GRID2: variants seen among roughly 807,000 people sequenced by gnomAD.
The protein encoded by GRID2 is glutamate receptor ionotropic, delta-2.
Under a neutral mutation model 114.8 loss-of-function variants are expected in GRID2, and 33 were observed. That is an observed-to-expected ratio of 0.29 (90% confidence interval 0.22 to 0.38). The LOEUF (loss-of-function observed/expected upper bound fraction) is 0.38. Ranked by LOEUF, GRID2 falls within the 10% of genes least tolerant of loss-of-function variation. GRID2 has a pLI of 1.00. For missense variants in GRID2, 1,184 were observed against 1,257.7 expected, an observed-to-expected ratio of 0.94 and a Z score of 0.89; for synonymous variants, 505 against 449.9, an observed-to-expected ratio of 1.12 and a Z score of -1.55.
chr4:93,687,272 A>G (rs1726157162), intron 14 of GRID2, among the ~76,000 whole-genome samples: 1 of 152,046 alleles, frequency 6.6e-6, no homozygotes, highest in African/African-American at 2.4e-5. Context: ...CCTAGGTTGC[A>G]ATGGGGGTGG....
At chr4:93,459,720 C>T (rs1191984722) in intron 11 of GRID2, among the ~76,000 whole-genome samples, 1 of 152,090 alleles carries the variant, frequency 6.6e-6, no homozygotes, top group African/African-American at 2.4e-5. Flanking sequence ...TTTGTATATT[C>T]AACTGTTACC....
chr4:93,546,800 AT>A (rs992240182), intron 13 of GRID2, among the ~76,000 whole-genome samples: 27 of 151,598 alleles, frequency 1.8e-4, no homozygotes, highest in South Asian at 6.3e-4. Flanking sequence ...CTCTATTCTA[AT>A]TTTTTTTTAT....
At chr4:92,548,383 C>T (rs1726383462) in intron 1 of GRID2, among the ~76,000 whole-genome samples, 1 of 108,216 alleles carries the variant, frequency 9.2e-6, no homozygotes, top group Non-Finnish European at 1.7e-5. Flanking sequence ...GCTATGAAGA[C>T]ATTTCTGAGA....
At chr4:93,346,339 A>G (rs957401000) in intron 8 of GRID2, among the ~76,000 whole-genome samples, 7 of 152,158 alleles carry the variant, frequency 4.6e-5, no homozygotes, top group Admixed American at 2.0e-4. Flanking sequence ...TCATGGTTAT[A>G]TATGTGTGTG....
At chr4:93,509,841 C>T (rs1408292071) in intron 12 of GRID2, among the ~76,000 whole-genome samples, 1 of 152,148 alleles carries the variant, frequency 6.6e-6, no homozygotes, top group Non-Finnish European at 1.5e-5. Context: ...TTAAATGCTA[C>T]ATTTTGGATC....
chr4:93,520,460 A>G (rs1445430536), intron 13 of GRID2, among the ~76,000 whole-genome samples: 1 of 152,110 alleles, frequency 6.6e-6, no homozygotes, highest in Admixed American at 6.6e-5. Context: ...TGAACCATGC[A>G]TATAGTTTGG....
chr4:92,654,598 C>G (rs1214085030), intron 2 of GRID2, among the ~76,000 whole-genome samples: 1 of 151,892 alleles, frequency 6.6e-6, no homozygotes, highest in Non-Finnish European at 1.5e-5. Context: ...TTAATAATAG[C>G]TATTCTGACT....
chr4:92,631,738 A>G (rs1202739756), intron 2 of GRID2, among the ~76,000 whole-genome samples: 6 of 152,148 alleles, frequency 3.9e-5, no homozygotes, highest in African/African-American at 7.2e-5. Flanking sequence ...CTCTGCATGG[A>G]AAGTATATTG....
chr4:92,645,805 T>C (rs755265713), intron 2 of GRID2, among the ~76,000 whole-genome samples: 2 of 151,824 alleles, frequency 1.3e-5, no homozygotes, highest in Non-Finnish European at 2.9e-5. Context: ...TAGTATTTTT[T>C]CATCAAATTA....
At chr4:93,486,450 G>T (rs1417284846) in intron 11 of GRID2, among the ~76,000 whole-genome samples, 6 of 151,376 alleles carry the variant, frequency 4.0e-5, no homozygotes, top group African/African-American at 1.5e-4. Flanking sequence ...TATTTTATTA[G>T]TATGTATGAT....
intron 2 of GRID2, among the ~76,000 whole-genome samples, chr4:92,631,369 C>G (rs897792636): frequency 1.3e-5 from 2 of 152,128 alleles, no homozygotes; most frequent in East Asian, 3.9e-4. Context: ...TTAGTCAGGA[C>G]TTGAATGAAA....
intron 2 of GRID2, among the ~76,000 whole-genome samples, chr4:92,976,321 T>A (rs1010474696): frequency 1.3e-5 from 2 of 151,940 alleles, no homozygotes; most frequent in African/African-American, 4.8e-5. Context: ...TTTAAATCAT[T>A]TTCGTAGTGA....
At chr4:93,013,244 G>C (rs148091032) in intron 2 of GRID2, among the ~76,000 whole-genome samples, 1 of 151,972 alleles carries the variant, frequency 6.6e-6, no homozygotes, top group Non-Finnish European at 1.5e-5. Flanking sequence ...GGATGATCTC[G>C]AGAGATGGTA....
At chr4:92,799,242 A>C (rs1305379937) in intron 2 of GRID2, among the ~76,000 whole-genome samples, 1 of 151,904 alleles carries the variant, frequency 6.6e-6, no homozygotes. Flanking sequence ...GGCGCAACCT[A>C]GATCCTTCTC....
intron 2 of GRID2, among the ~76,000 whole-genome samples, chr4:92,908,115 C>T (rs184435037): frequency 2.0e-5 from 3 of 152,230 alleles, no homozygotes; most frequent in Admixed American, 2.0e-4. Flanking sequence ...TTGTGAGATT[C>T]ACTAGCTATT....
At chr4:92,934,658 C>T (rs1451428014) in intron 2 of GRID2, among the ~76,000 whole-genome samples, 2 of 146,436 alleles carry the variant, frequency 1.4e-5, no homozygotes, top group African/African-American at 4.9e-5. Context: ...CTACAGTAAC[C>T]AAAACAGCAT....
intron 2 of GRID2, among the ~76,000 whole-genome samples, chr4:92,966,442 A>G (rs1389650723): frequency 6.6e-6 from 1 of 151,960 alleles, no homozygotes; most frequent in South Asian, 2.1e-4. Context: ...ACATTATGCT[A>G]TCTCACATCC....
intron 2 of GRID2, among the ~76,000 whole-genome samples, chr4:92,993,708 G>A (rs1160529066): frequency 6.6e-6 from 1 of 152,020 alleles, no homozygotes; most frequent in African/African-American, 2.4e-5. Context: ...GTGAAATTTG[G>A]ACAACCTCAA....
chr4:92,555,631 T>C (rs1726813105), intron 1 of GRID2, among the ~76,000 whole-genome samples: 1 of 152,140 alleles, frequency 6.6e-6, no homozygotes, highest in African/African-American at 2.4e-5. Flanking sequence ...TGGCATGTTC[T>C]CGAGGCTTTT....
Sources: gnomAD v4.1 joint callset for allele counts (sites outside exome capture counted in the v4.1 genomes callset) on GRCh38, gnomAD v4.1.1 for gene constraint, MANE v1.5 for transcripts, NCBI Gene and HGNC (gene_info 2026-07-23, HGNC 2026-07-21) for gene names.